Variants in OR4D5 observed in about 807,000 individuals in gnomAD.
OR4D5 encodes olfactory receptor 4D5.
For synonymous variants in OR4D5, 165 were observed against 154.0 expected (o/e 1.07, Z -0.53); for missense variants, 390 against 387.6 (o/e 1.01, Z -0.05).
rs774476506 is a variant in OR4D5 at position 123,940,456 on chromosome 11, CA to C, written c.841del (p.Met281CysfsTer2). ...VSVLYTIVTP[M>X]LNPAIYTLRN... is the part of the protein sequence containing the mutation. ...CTGTGCTATACACAATTGTCACCCC[CA>C]TGCTGAATCCTGCCATCTATACCCT... On this transcript the variant is annotated frameshift_variant, in exon 1 of 1. Coordinates refer to ENST00000307033, the MANE Select transcript of OR4D5 (RefSeq NM_001001965.1). LOFTEE classifies it low-confidence loss of function (END_TRUNC). The C allele has an allele frequency of 1.2e-6, 2 of 1,613,944 alleles. No individual in the cohort carries two copies. The highest frequency in any genetic ancestry group is 2.7e-5 in the African/African-American group (2 of 74,904).
chr11:123,939,808 C>A lies in OR4D5; in HGVS notation c.192C>A (p.Gly64=), dbSNP rs1462390384. ...HLHTTMYFLL[G]NLSFLDFCYS... ...ACACAACCATGTATTTTCTCTTGGG[C>A]AATCTTTCTTTCCTGGACTTTTGCT... Residue 64 remains glycine (G), a synonymous_variant, in exon 1 of 1, where the codon GGC becomes GGA. Transcript: ENST00000307033. 2.5e-6 allele frequency: 4 copies of A among 1,611,214 alleles called. No individual in the cohort carries two copies. Among genetic ancestry groups the A allele is most frequent in the East Asian group, 2.2e-5 (1 of 44,880 alleles).
chr11:123,940,078 C>A lies in OR4D5; in HGVS notation c.462C>A (p.Ile154=). 1.2e-6 allele frequency: 2 copies of A among 1,614,186 alleles called. No homozygotes were observed. Among genetic ancestry groups the A allele is most frequent in the South Asian group, 1.1e-5 (1 of 91,082 alleles). The change falls in exon 1 of 1, where the codon ATC becomes ATA. Residue 154 remains isoleucine, a synonymous_variant. Coordinates refer to ENST00000307033, the MANE Select transcript of OR4D5 (RefSeq NM_001001965.1). ...CAGCCTCCTGGGTGGGGGGCTTCAT[C>A]CACTCCATAGTACAGATTGCATTGA... ...LMAASWVGGF[I]HSIVQIALTI...
rs1166545223 is a variant in OR4D5 at position 123,939,975 on chromosome 11, A to G, written c.359A>G (p.Tyr120Cys). Residue 120 changes from tyrosine to cysteine, a missense_variant, in exon 1 of 1, where the codon TAT (tyrosine) becomes TGT (cysteine). By Grantham distance (194) the Tyr-to-Cys change is radical. Transcript: ENST00000307033. ...ATCTTCCTGCTGACTGTCATGGCGT[A>G]TGACCGCTACATTGCCATTTCCCAG... is the stretch of plus-strand genomic sequence containing the variant. ...IKIFLLTVMAYDRYIAISQPL... is the reference protein window; with the variant it reads ...IKIFLLTVMACDRYIAISQPL... 6.2e-7 allele frequency: 1 copy of G among 1,613,174 alleles called. No individual in the cohort carries two copies. The highest frequency in any genetic ancestry group is 2.2e-5 in the East Asian group (1 of 44,884).
Position 123,939,637 on chromosome 11 carries a change from C to T in OR4D5, c.21C>T (p.Ser7=), listed in dbSNP as rs1218160575. The T allele has an allele frequency of 6.3e-7, 1 of 1,577,320 alleles. No individual in the cohort carries two copies. The highest frequency in any genetic ancestry group is 1.8e-5 in the Admixed American group (1 of 54,064). MNPANH[S]QVAGFVLLGL... ...ACCAGATGAATCCAGCAAATCATTCCCAGGTGGCAGGATTTGTTCTACTGG... is the reference window on the plus strand; with the variant it reads ...ACCAGATGAATCCAGCAAATCATTCTCAGGTGGCAGGATTTGTTCTACTGG... Residue 7 remains serine, a synonymous_variant, in exon 1 of 1, where the codon TCC becomes TCT. Transcript: ENST00000307033.
rs1266077929 is a variant in OR4D5, at chr11:123,939,883, C to A, written c.267C>A (p.Asn89Lys). The A allele has an allele frequency of 1.2e-6, 2 of 1,611,664 alleles. No homozygotes were observed. Among genetic ancestry groups the A allele is most frequent in the Admixed American group, 1.7e-5 (1 of 59,886 alleles). The part of the protein sequence containing the change: ...PRMLVDLLSG[N>K]PTISFGGCLT... ...TGCTGGTTGACTTGCTCTCAGGCAA[C>A]CCTACCATTTCCTTTGGTGGATGCC... Residue 89 changes from asparagine (N) to lysine (K), a missense_variant, in exon 1 of 1, where the codon AAC (asparagine) becomes AAA (lysine). Transcript: ENST00000307033.
Position 123,939,925 on chromosome 11 carries a change from C to CTT in OR4D5, c.310_311dup (p.His105SerfsTer12), listed in dbSNP as rs1252181053. ...GTGGATGCCTGACTCAACTCTTCTT[C>CTT]TTCCACTTCATTGGAGGCATCAAGA... On this transcript the variant is annotated frameshift_variant, in exon 1 of 1. Coordinates refer to ENST00000307033, the MANE Select transcript of OR4D5 (RefSeq NM_001001965.1). LOFTEE classifies it low-confidence loss of function (END_TRUNC). 6.2e-7 allele frequency: 1 copy of CTT among 1,613,794 alleles called. No individual in the cohort carries two copies. The highest frequency in any genetic ancestry group is 8.5e-7 in the Non-Finnish European group (1 of 1,179,870).
chr11:123,940,502 A>G lies in OR4D5; in HGVS notation c.886A>G (p.Met296Val). Residue 296 changes from methionine (M) to valine (V), a missense_variant, in exon 1 of 1, where the codon ATG becomes GTG. By Grantham distance (21) the Met-to-Val change is conservative. Coordinates refer to ENST00000307033, the MANE Select transcript of OR4D5 (RefSeq NM_001001965.1). Reference sequence around the variant, plus strand: ...TACCCTGAGAAACAAGGAAGTGATCATGGCCATGAAGAAGCTGTGGAGGAG... The same window carrying G: ...TACCCTGAGAAACAAGGAAGTGATCGTGGCCATGAAGAAGCTGTGGAGGAG... ...IYTLRNKEVIMAMKKLWRRKK... is the reference protein window; with the variant it reads ...IYTLRNKEVIVAMKKLWRRKK... 1 of 1,614,158 alleles carries G rather than the reference A, an allele frequency of 6.2e-7. No individual in the cohort carries two copies. Among genetic ancestry groups the G allele is most frequent in the Non-Finnish European group, 8.5e-7 (1 of 1,179,994 alleles).
Position 123,940,404 on chromosome 11 carries a change from G to T in OR4D5, c.788G>T (p.Arg263Leu). The T allele has an allele frequency of 6.2e-7, 1 of 1,614,022 alleles. No individual in the cohort carries two copies. The highest frequency in any genetic ancestry group is 8.5e-7 in the Non-Finnish European group (1 of 1,179,988). ...PCIYVYTRPF[R>L]TFPMDKAVSV... ...ATCTACGTCTATACAAGGCCTTTTC[G>T]GACATTCCCCATGGACAAGGCCGTC... Residue 263 changes from arginine to leucine, a missense_variant, in exon 1 of 1, where the codon CGG becomes CTG. Transcript: ENST00000307033.
rs201201564 is a variant in OR4D5 at position 123,940,472 on chromosome 11, A to G, written c.856A>G (p.Ile286Val). Reference sequence around the variant, plus strand: ...TGTCACCCCCATGCTGAATCCTGCCATCTATACCCTGAGAAACAAGGAAGT... The same window carrying G: ...TGTCACCCCCATGCTGAATCCTGCCGTCTATACCCTGAGAAACAAGGAAGT... ...TIVTPMLNPA[I>V]YTLRNKEVIM... Residue 286 changes from isoleucine to valine, a missense_variant, in exon 1 of 1, where the codon ATC becomes GTC. By Grantham distance (29) the Ile-to-Val change is conservative. Coordinates refer to ENST00000307033, the MANE Select transcript of OR4D5 (RefSeq NM_001001965.1). The G allele has an allele frequency of 1.2e-4, 200 of 1,614,136 alleles. No homozygotes were observed. The highest frequency in any genetic ancestry group is 6.7e-5 in the East Asian group (3 of 44,882).
At position 123,939,806 on chromosome 11, in the gene OR4D5, G is replaced by C. The variant is rs764777684; in HGVS notation, c.190G>C (p.Gly64Arg). The C allele has an allele frequency of 2.0e-5, 32 of 1,611,622 alleles. No individual in the cohort carries two copies. Among genetic ancestry groups the C allele is most frequent in the Non-Finnish European group, 2.5e-5 (30 of 1,178,936 alleles). The change falls in exon 1 of 1, where the codon GGC becomes CGC. Residue 64 changes from glycine to arginine, a missense_variant. Coordinates refer to ENST00000307033, the MANE Select transcript of OR4D5 (RefSeq NM_001001965.1). ...HLHTTMYFLL[G>R]NLSFLDFCYS... ...GCACACAACCATGTATTTTCTCTTG[G>C]GCAATCTTTCTTTCCTGGACTTTTG...
At position 123,940,094 on chromosome 11, in the gene OR4D5, A is replaced by T; in HGVS notation, c.478A>T (p.Ile160Phe). 6.2e-7 allele frequency: 1 copy of T among 1,614,154 alleles called. No individual in the cohort carries two copies. Among genetic ancestry groups the T allele is most frequent in the Non-Finnish European group, 8.5e-7 (1 of 1,180,024 alleles). ...GGGCTTCATCCACTCCATAGTACAG[A>T]TTGCATTGACTATCCAGCTGCCATT... Reference protein sequence around the residue: ...VGGFIHSIVQIALTIQLPFCG... With the variant: ...VGGFIHSIVQFALTIQLPFCG... Residue 160 changes from isoleucine (I) to phenylalanine (F), a missense_variant, in exon 1 of 1, where the codon ATT (isoleucine) becomes TTT (phenylalanine). Coordinates refer to ENST00000307033, the MANE Select transcript of OR4D5 (RefSeq NM_001001965.1).
chr11:123,940,140 A>G lies in OR4D5; in HGVS notation c.524A>G (p.Asp175Gly). 6.2e-7 allele frequency: 1 copy of G among 1,614,198 alleles called. No homozygotes were observed. The highest frequency in any genetic ancestry group is 8.5e-7 in the Non-Finnish European group (1 of 1,180,036). The change falls in exon 1 of 1, where the codon GAC becomes GGC. Residue 175 changes from aspartate to glycine, a missense_variant. Physicochemically the swap from Asp to Gly is moderately conservative, Grantham distance 94. Transcript: ENST00000307033. Reference protein sequence around the residue: ...QLPFCGPDKLDNFYCDVPQLI... With the variant: ...QLPFCGPDKLGNFYCDVPQLI... ...CCATTCTGTGGGCCTGACAAGCTGG[A>G]CAACTTTTATTGTGATGTGCCTCAG...
rs755262161 is a variant in OR4D5, at chr11:123,940,547, C to G, written c.931C>G (p.Pro311Ala). ...LWRRKKDPIG[P>A]LEHRPLH ...GAGGAGGAAAAAGGACCCTATTGGTCCCCTGGAGCACAGACCCTTACATTA... is the reference window on the plus strand; with the variant it reads ...GAGGAGGAAAAAGGACCCTATTGGTGCCCTGGAGCACAGACCCTTACATTA... The change falls in exon 1 of 1, where the codon CCC becomes GCC. Residue 311 changes from proline to alanine, a missense_variant. Transcript: ENST00000307033. 4 of 1,610,054 alleles carry G rather than the reference C, an allele frequency of 2.5e-6. No homozygotes were observed. The highest frequency in any genetic ancestry group is 2.7e-5 in the African/African-American group (2 of 74,936).
rs769456457 is a variant in OR4D5, at chr11:123,939,922, C to A, written c.306C>A (p.Phe102Leu). The change falls in exon 1 of 1, where the codon TTC becomes TTA. Residue 102 changes from phenylalanine (F) to leucine (L), a missense_variant. Physicochemically the swap from Phe to Leu is conservative, Grantham distance 22. Transcript: ENST00000307033. ...TTGGTGGATGCCTGACTCAACTCTT[C>A]TTCTTCCACTTCATTGGAGGCATCA... ...ISFGGCLTQL[F>L]FFHFIGGIKI... The A allele has an allele frequency of 6.2e-7, 1 of 1,613,742 alleles. No homozygotes were observed. The highest frequency in any genetic ancestry group is 8.5e-7 in the Non-Finnish European group (1 of 1,179,846).
chr11:123,939,992 A>G lies in OR4D5; in HGVS notation c.376A>G (p.Ile126Val). 6.2e-7 allele frequency: 1 copy of G among 1,613,054 alleles called. No individual in the cohort carries two copies. Residue 126 changes from isoleucine (I) to valine (V), a missense_variant, in exon 1 of 1, where the codon ATT becomes GTT. By Grantham distance (29) the Ile-to-Val change is conservative (BLOSUM62 3). Coordinates refer to ENST00000307033, the MANE Select transcript of OR4D5 (RefSeq NM_001001965.1). ...TVMAYDRYIA[I>V]SQPLHYTLIM... is the part of the protein sequence containing the mutation. ...CATGGCGTATGACCGCTACATTGCC[A>G]TTTCCCAGCCCCTGCACTACACGCT...
Position 123,940,000 on chromosome 11 carries a change from G to A in OR4D5, c.384G>A (p.Gln128=). 1.2e-6 allele frequency: 2 copies of A among 1,613,126 alleles called. No individual in the cohort carries two copies. Among genetic ancestry groups the A allele is most frequent in the Non-Finnish European group, 1.7e-6 (2 of 1,179,558 alleles). Residue 128 remains glutamine (Q), a synonymous_variant, in exon 1 of 1, where the codon CAG becomes CAA. Transcript: ENST00000307033. ...MAYDRYIAIS[Q]PLHYTLIMNQ... ...ATGACCGCTACATTGCCATTTCCCAGCCCCTGCACTACACGCTCATTATGA... is the reference window on the plus strand; with the variant it reads ...ATGACCGCTACATTGCCATTTCCCAACCCCTGCACTACACGCTCATTATGA...
rs1863451725 is a variant in OR4D5, at chr11:123,940,157, G to A, written c.541G>A (p.Val181Met). 1.2e-6 allele frequency: 2 copies of A among 1,614,036 alleles called. No homozygotes were observed. The highest frequency in any genetic ancestry group is 1.7e-6 in the Non-Finnish European group (2 of 1,180,024). ...CAAGCTGGACAACTTTTATTGTGAT[G>A]TGCCTCAGCTGATCAAATTGGCCTG... ...PDKLDNFYCD[V>M]PQLIKLACTD... The change falls in exon 1 of 1, where the codon GTG (valine) becomes ATG (methionine). Residue 181 changes from valine to methionine, a missense_variant. Transcript: ENST00000307033.
In OR4D5 at chr11:123,939,753, T is replaced by C. The variant is rs1863445809; in HGVS notation, c.137T>C (p.Val46Ala). 8 of 1,613,770 alleles carry C rather than the reference T, an allele frequency of 5.0e-6. No individual in the cohort carries two copies. In the South Asian group the frequency reaches 7.7e-5, roughly 16 times the overall value. The change falls in exon 1 of 1, where the codon GTG becomes GCG. Residue 46 changes from valine (V) to alanine (A), a missense_variant. Transcript: ENST00000307033. ...FMTVVGNLLI[V>A]VIVTSDPHLH... ...ACTGTAGTGGGAAACCTTCTTATTG[T>C]GGTCATAGTGACCTCCGACCCACAC...
In OR4D5 at chr11:123,940,390, T is replaced by C; in HGVS notation, c.774T>C (p.Tyr258=). 6.2e-7 allele frequency: 1 copy of C among 1,614,178 alleles called. No individual in the cohort carries two copies. The highest frequency in any genetic ancestry group is 1.1e-5 in the South Asian group (1 of 91,082). ...TLIFVPCIYV[Y]TRPFRTFPMD... is the part of the protein sequence containing the mutation. ...TCTTTGTGCCTTGCATCTACGTCTA[T>C]ACAAGGCCTTTTCGGACATTCCCCA... The change falls in exon 1 of 1, where the codon TAT becomes TAC. Residue 258 remains tyrosine, a synonymous_variant. Coordinates refer to ENST00000307033, the MANE Select transcript of OR4D5 (RefSeq NM_001001965.1).
Sources: gnomAD v4.1 joint callset for allele counts on GRCh38, gnomAD v4.1.1 for gene constraint, MANE v1.5 for transcripts, NCBI Gene and HGNC (gene_info 2026-07-23, HGNC 2026-07-21) for gene names.